The following KCNMB2 variants were observed in gnomAD, a reference collection of about 807,000 sequenced individuals.
The protein encoded by KCNMB2 is potassium calcium-activated channel subfamily M regulatory beta subunit 2.
Under a neutral mutation model 24.5 loss-of-function variants are expected in KCNMB2, and 9 were observed. That is an observed-to-expected ratio of 0.37 (90% CI 0.22 to 0.64). The LOEUF is 0.64. Among genes scored for constraint, KCNMB2 ranks in the 30% least tolerant of loss-of-function variants. KCNMB2 has a pLI of 0.63. For missense variants in KCNMB2, 226 were observed against 284.3 expected (o/e 0.79, Z 1.47); for synonymous variants, 109 against 104.4 (o/e 1.04, Z -0.27).
intron 1 of KCNMB2, among the ~76,000 whole-genome samples, chr3:178,542,644 A>AT (rs1198514891): frequency 6.6e-6 from 1 of 152,150 alleles, no homozygotes; most frequent in Non-Finnish European, 1.5e-5. Context: ...GGTTAGGAGA[A>AT]TTTTTTTAAA....
intron 1 of KCNMB2, among the ~76,000 whole-genome samples, chr3:178,568,503 A>T (rs1214546526): frequency 6.6e-6 from 1 of 152,216 alleles, no homozygotes; most frequent in African/African-American, 2.4e-5. Flanking sequence ...TGTCAGAGGA[A>T]GGAATTCCGC....
chr3:178,632,519 TA>T (rs1233764713), intron 1 of KCNMB2, among the ~76,000 whole-genome samples: 1 of 152,188 alleles, frequency 6.6e-6, no homozygotes, highest in Non-Finnish European at 1.5e-5. Context: ...ATGCCACTTA[TA>T]AAGCCATCAG....
intron 1 of KCNMB2, among the ~76,000 whole-genome samples, chr3:178,650,310 G>A (rs1720064215): frequency 6.6e-6 from 1 of 152,116 alleles, no homozygotes. Context: ...TGAGAAAAAT[G>A]TATATTCTGT....
Position 178,633,973 on chromosome 3 carries a change from G to A in KCNMB2, c.-68+97262G>A, listed in dbSNP as rs553079652. ...GCCGCTAGTCTCTTTGCATACAAGA[G>A]TGACCTTTACTCCAGTTCCTAACAA... On this transcript the variant is annotated intron_variant, in intron 1 of 4. Transcript: ENST00000452583. Among the ~76,000 whole-genome samples, 203 of 152,318 alleles carry A rather than the reference G, an allele frequency of 1.3e-3. 1 individual carries two copies. The highest frequency in any genetic ancestry group is 4.7e-3 in the African/African-American group (194 of 41,582).
chr3:178,671,647 G>C (rs1186802330), intron 1 of KCNMB2, among the ~76,000 whole-genome samples: 2 of 152,146 alleles, frequency 1.3e-5, no homozygotes, highest in African/African-American at 4.8e-5. Flanking sequence ...AGAGAGCAGA[G>C]AAAGGCTGCA....
At chr3:178,545,113 C>T (rs1181245068) in intron 1 of KCNMB2, among the ~76,000 whole-genome samples, 7 of 151,928 alleles carry the variant, frequency 4.6e-5, no homozygotes, top group Non-Finnish European at 1.0e-4. Context: ...AGAGAGGGCT[C>T]TTATAGAAGG....
At chr3:178,575,341 A>G (rs2108482447) in intron 1 of KCNMB2, among the ~76,000 whole-genome samples, 1 of 152,258 alleles carries the variant, frequency 6.6e-6, no homozygotes, top group Non-Finnish European at 1.5e-5. Flanking sequence ...AGTAAAATAT[A>G]CCAAGACTGC....
At chr3:178,811,249 C>T (rs920652969) in intron 2 of KCNMB2, among the ~76,000 whole-genome samples, 1 of 151,846 alleles carries the variant, frequency 6.6e-6, no homozygotes, top group Non-Finnish European at 1.5e-5. Flanking sequence ...ATCCAGGTAC[C>T]CATCATTCAG....
Position 178,759,722 on chromosome 3 carries a change from A to ATC in KCNMB2, c.-67-47620_-67-47619insCT, listed in dbSNP as rs1218472493. ...CACATATATATATCCAAGAGGATAT[A>ATC]TATACACATATATATATCCAAGAGG... On this transcript the variant is annotated intron_variant, in intron 1 of 4. Coordinates refer to ENST00000452583, the MANE Select transcript of KCNMB2 (RefSeq NM_181361.3). Among the ~76,000 whole-genome samples the ATC allele has an allele frequency of 5.8e-3, 497 of 85,906 alleles. 21 individuals are homozygous for ATC. Among genetic ancestry groups the ATC allele is most frequent in the Non-Finnish European group, 8.2e-3 (356 of 43,406 alleles). The allele number at this position is 85,906 out of a possible 152,430, so 56.4% of individuals were successfully genotyped here. A position where few individuals can be genotyped will look rare whatever the true frequency, so the allele number is the denominator to read the frequency against.
intron 1 of KCNMB2, among the ~76,000 whole-genome samples, chr3:178,732,443 C>T (rs1172079569): frequency 6.6e-6 from 1 of 152,292 alleles, no homozygotes; most frequent in East Asian, 1.9e-4. Flanking sequence ...TGAGGCTGAA[C>T]AAGGCAACAG....
At chr3:178,626,699 A>G (rs1719130174) in intron 1 of KCNMB2, among the ~76,000 whole-genome samples, 1 of 152,104 alleles carries the variant, frequency 6.6e-6, no homozygotes, top group South Asian at 2.1e-4. Flanking sequence ...CCAGGATCCA[A>G]TCACTCCTCA....
intron 2 of KCNMB2, among the ~76,000 whole-genome samples, chr3:178,819,844 C>A (rs1714557349): frequency 6.6e-6 from 1 of 152,064 alleles, no homozygotes; most frequent in Non-Finnish European, 1.5e-5. Context: ...AAGGTTCCCA[C>A]ATGAAATGCT....
At chr3:178,703,339 A>G (rs1245870648) in intron 1 of KCNMB2, among the ~76,000 whole-genome samples, 1 of 152,110 alleles carries the variant, frequency 6.6e-6, no homozygotes, top group African/African-American at 2.4e-5. Flanking sequence ...CATGCTTTCC[A>G]CCATTCCATT....
intron 1 of KCNMB2, among the ~76,000 whole-genome samples, chr3:178,690,264 C>A (rs1331266700): frequency 6.6e-6 from 1 of 151,870 alleles, no homozygotes; most frequent in Non-Finnish European, 1.5e-5. Flanking sequence ...ATGTATGTAG[C>A]CTTTTAATAT....
chr3:178,825,468 C>T, intron 2 of KCNMB2, 120 bp from the exon 3 acceptor site: 1 of 692,794 alleles, frequency 1.4e-6, no homozygotes, highest in Admixed American at 2.7e-5. Context: ...ACACTGAGGT[C>T]CAGCTGCACT....
intron 1 of KCNMB2, among the ~76,000 whole-genome samples, chr3:178,609,810 T>A (rs1718416655): frequency 6.6e-6 from 1 of 152,034 alleles, no homozygotes; most frequent in East Asian, 1.9e-4. Context: ...CTAATTTTCA[T>A]ATTTTTTGGT....
At chr3:178,677,613 G>A (rs539829089) in intron 1 of KCNMB2, among the ~76,000 whole-genome samples, 7 of 152,304 alleles carry the variant, frequency 4.6e-5, no homozygotes, top group South Asian at 4.1e-4. Context: ...CTGGCCTGTC[G>A]TCTGTGCACC....
Position 178,672,746 on chromosome 3 carries a change from A to G in KCNMB2, c.-67-134597A>G, listed in dbSNP as rs144499433. Among the ~76,000 whole-genome samples the G allele has an allele frequency of 6.6e-5, 10 of 152,276 alleles. No homozygotes were observed. In the South Asian group the frequency reaches 1.7e-3, roughly 25 times the overall value. The stretch of plus-strand genomic sequence containing the variant: ...AATATTTTTACTAGGGAAGTTCTTT[A>G]AATTCGTAGTGACTTCAGTGTCTGC... On this transcript the variant is annotated intron_variant, in intron 1 of 4. Transcript: ENST00000452583.
intron 1 of KCNMB2, among the ~76,000 whole-genome samples, chr3:178,660,653 G>A (rs1720493843): frequency 6.6e-6 from 1 of 152,144 alleles, no homozygotes; most frequent in East Asian, 1.9e-4. Context: ...ATCTTCCAAG[G>A]GAATCCAAGA....
Sources: gnomAD v4.1 joint callset for allele counts (sites outside exome capture counted in the v4.1 genomes callset) on GRCh38, gnomAD v4.1.1 for gene constraint, MANE v1.5 for transcripts, NCBI Gene and HGNC (gene_info 2026-07-23, HGNC 2026-07-21) for gene names.